The following TNFSF14 variants were observed in gnomAD, a reference collection of about 807,000 sequenced individuals.
The protein encoded by TNFSF14 is tumor necrosis factor ligand superfamily member 14.
TNFSF14 carries 15 observed loss-of-function variants against 22.7 expected under a neutral mutation model. The ratio of observed to expected loss-of-function variants is 0.66; its 90% CI spans 0.44 to 1.02. The LOEUF (loss-of-function observed/expected upper bound fraction) is 1.02, where lower values mean the gene tolerates loss of function less well. Among genes scored for constraint, TNFSF14 ranks in the 50% least tolerant of loss-of-function variants. TNFSF14 has a pLI of 0.00. For synonymous variants in TNFSF14, 133 were observed against 139.6 expected (o/e 0.95, Z 0.33); for missense variants, 287 against 326.2 (o/e 0.88, Z 0.93).
intron 1 of TNFSF14, among the ~76,000 whole-genome samples, chr19:6,668,534 C>T (rs112218877): frequency 0.05 from 7,546 of 151,898 alleles, 247 homozygotes; most frequent in African/African-American, 0.091. Flanking sequence ...GGTGAAACCC[C>T]GTCTGTACTA....
chr19:6,668,892 C>T (rs1006100294), intron 1 of TNFSF14, among the ~76,000 whole-genome samples: 2 of 152,132 alleles, frequency 1.3e-5, no homozygotes, highest in African/African-American at 2.4e-5. Flanking sequence ...ACACAGAGAC[C>T]CAGAGACAAA....
rs2145378654 is a variant in TNFSF14 at position 6,669,840 on chromosome 19, G to C, written c.219+11C>G. Reference sequence around the variant, plus strand: ...ACCTCCACCTGCTCTCAGCCCCCCGGTCCCACTCACAGGCAGGCGGGTGAC... The same window carrying C: ...ACCTCCACCTGCTCTCAGCCCCCCGCTCCCACTCACAGGCAGGCGGGTGAC... On this transcript the variant is annotated intron_variant, in intron 1 of 3. Transcript: ENST00000675206. 1.2e-6 allele frequency: 2 copies of C among 1,609,310 alleles called. No individual in the cohort carries two copies. The highest frequency in any genetic ancestry group is 1.7e-6 in the Non-Finnish European group (2 of 1,179,494).
rs752786997 is a variant in TNFSF14, at chr19:6,664,935, G to A, written c.714C>T (p.Phe238=). The A allele has an allele frequency of 1.3e-6, 2 of 1,590,908 alleles. No homozygotes were observed. The highest frequency in any genetic ancestry group is 1.7e-6 in the Non-Finnish European group (2 of 1,163,998). Residue 238 remains phenylalanine (F), a synonymous_variant, in exon 4 of 4, where the codon TTC becomes TTT. Transcript: ENST00000675206. This position sits in a 1 kb window ranked among gnomAD's most constrained non-coding sequence, Gnocchi z 4.7. ...RDGTRSYFGA[F]MV ...CACCACGCTCCTTCCTTCACACCAT[G>A]AAAGCCCCGAAGTAAGACCGGGTAC...
At chr19:6,670,254 C>T (rs988395411), upstream of TNFSF14, 11 of 1,435,464 alleles carry the variant, frequency 7.7e-6, no homozygotes, top group East Asian at 7.6e-5. Context: ...CCGCCGCCCC[C>T]GGTCTTGGCC....
intron 1 of TNFSF14, among the ~76,000 whole-genome samples, chr19:6,668,301 T>A (rs931057825): frequency 1.8e-4 from 28 of 152,114 alleles, no homozygotes; most frequent in African/African-American, 6.5e-4. Context: ...AGTTCAAGGC[T>A]GCAGTGAGCT....
chr19:6,668,727 A>T (rs1331157417), intron 1 of TNFSF14, among the ~76,000 whole-genome samples: 1 of 151,982 alleles, frequency 6.6e-6, no homozygotes, highest in African/African-American at 2.4e-5. Context: ...AAAAATGCAG[A>T]CAGCGAGATG....
At position 6,667,461 on chromosome 19, in the gene TNFSF14, G is replaced by A. The variant is rs770618064; in HGVS notation, c.220-12C>T. 3 of 1,569,092 alleles carry A rather than the reference G, an allele frequency of 1.9e-6. No individual in the cohort carries two copies. The highest frequency in any genetic ancestry group is 2.4e-5 in the East Asian group (1 of 41,866). ...CCTGCAGGTCCGTCCTGAAAATGCA[G>A]AAGGGGCCTGCGGTAAGAACCTGCA... On this transcript the variant is annotated splice_polypyrimidine_tract_variant and intron_variant, in intron 1 of 3. Transcript: ENST00000675206.
chr19:6,670,380 G>A (rs186311651), upstream of TNFSF14: 9 of 812,748 alleles, frequency 1.1e-5, no homozygotes, highest in Admixed American at 4.0e-5. Flanking sequence ...TGCTTCATTC[G>A]CTTGGGGCCA....
chr19:6,670,003 T>G lies in TNFSF14; in HGVS notation c.67A>C (p.Arg23=). ...VDGQTDIPFT[R]LGRSHRRQSC... ...TGTCTCCGGTGGCTTCGTCCCAGCCTCGTGAATGGGATGTCGGTCTGTCCA... is the reference window on the plus strand; with the variant it reads ...TGTCTCCGGTGGCTTCGTCCCAGCCGCGTGAATGGGATGTCGGTCTGTCCA... The change falls in exon 1 of 4, where the codon AGG becomes CGG. Residue 23 remains arginine, a synonymous_variant. Transcript: ENST00000675206. The G allele has an allele frequency of 6.2e-7, 1 of 1,614,022 alleles. No individual in the cohort carries two copies. Among genetic ancestry groups the G allele is most frequent in the East Asian group, 2.2e-5 (1 of 44,874 alleles).
chr19:6,667,496 A>G, intron 1 of TNFSF14, 47 bp from the exon 2 acceptor site: 2 of 1,564,046 alleles, frequency 1.3e-6, no homozygotes, highest in Non-Finnish European at 1.7e-6. Context: ...AGCGGGGGCC[A>G]CGCCCTCGCA....
intron 3 of TNFSF14, 55 bp downstream of exon 3, chr19:6,667,058 T>A: frequency 6.3e-7 from 1 of 1,597,712 alleles, no homozygotes. Context: ...GTTTATCTGG[T>A]CTTCCCGAGA....
upstream of TNFSF14, chr19:6,670,293 C>T (rs1191791677): frequency 1.4e-5 from 19 of 1,402,190 alleles, no homozygotes; most frequent in East Asian, 3.9e-4. Flanking sequence ...TACAGACTCT[C>T]ACACTTTCCA....
rs1917360343 is a variant in TNFSF14, at chr19:6,664,936, A to G, written c.713T>C (p.Phe238Ser). 1.3e-6 allele frequency: 2 copies of G among 1,591,410 alleles called. No homozygotes were observed. Among genetic ancestry groups the G allele is most frequent in the African/African-American group, 1.3e-5 (1 of 74,606 alleles). Reference sequence around the variant, plus strand: ...ACCACGCTCCTTCCTTCACACCATGAAAGCCCCGAAGTAAGACCGGGTACC... The same window carrying G: ...ACCACGCTCCTTCCTTCACACCATGGAAGCCCCGAAGTAAGACCGGGTACC... ...RDGTRSYFGA[F>S]MV is the part of the protein sequence containing the mutation. The change falls in exon 4 of 4, where the codon TTC becomes TCC. Residue 238 changes from phenylalanine (F) to serine (S), a missense_variant. Transcript: ENST00000675206. This position sits in a 1 kb window ranked among gnomAD's most constrained non-coding sequence, Gnocchi z 4.7.
In TNFSF14 at chr19:6,665,330, C is replaced by T. The variant is rs553799062; in HGVS notation, c.319G>A (p.Gly107Ser). The T allele has an allele frequency of 2.1e-5, 33 of 1,589,838 alleles. No individual in the cohort carries two copies. Among genetic ancestry groups the T allele is most frequent in the Admixed American group, 3.5e-5 (2 of 56,482 alleles). ...HLTGANSSLT[G>S]SGGPLLWETQ... Reference sequence around the variant, plus strand: ...TCCCATAACAGCGGCCCCCCGCTGCCGGTCAAGCTGGAGTTGGCCCCTGTT... The same window carrying T: ...TCCCATAACAGCGGCCCCCCGCTGCTGGTCAAGCTGGAGTTGGCCCCTGTT... Residue 107 changes from glycine (G) to serine (S), a missense_variant, in exon 4 of 4, where the codon GGC becomes AGC. Gly to Ser is a moderately conservative substitution (Grantham distance 56, BLOSUM62 0). Transcript: ENST00000675206.
Position 6,661,584 on chromosome 19 carries a change from G to A in TNFSF14, c.*3342C>T, listed in dbSNP as rs1461048039. The A allele has an allele frequency of 2.0e-5, 3 of 152,180 alleles. No individual in the cohort carries two copies. Among genetic ancestry groups the A allele is most frequent in the Admixed American group, 1.3e-4 (2 of 15,260 alleles). 9.4% of individuals were successfully genotyped at this position (152,180 alleles called of 1,614,324 possible). ...GTATCTTATCAGTAATCGCATTCTT[G>A]GATGTGCTGGGAGTCAGCTTAAGTC... is the stretch of plus-strand genomic sequence containing the variant. On this transcript the variant is annotated 3_prime_UTR_variant, in exon 4 of 4. Transcript: ENST00000675206.
In TNFSF14 at chr19:6,669,513, G is replaced by C. The variant is rs942962457; in HGVS notation, c.219+338C>G. On this transcript the variant is annotated intron_variant, in intron 1 of 3. Transcript: ENST00000675206. ...ATAAAAAAGTACAGAGAAAATGCAT[G>C]CGTGTGTGCACAGGGGTGTGCATGG... Among the ~76,000 whole-genome samples, 6 of 152,048 alleles carry C rather than the reference G, an allele frequency of 3.9e-5. No individual in the cohort carries two copies. The East Asian group carries it at 1.2e-3, about 29-fold the overall frequency.
Position 6,664,916 on chromosome 19 carries a change from G to A in TNFSF14, c.*10C>T, listed in dbSNP as rs1162274727. 8 of 1,573,858 alleles carry A rather than the reference G, an allele frequency of 5.1e-6. No homozygotes were observed. The highest frequency in any genetic ancestry group is 2.3e-5 in the South Asian group (2 of 85,350). On this transcript the variant is annotated 3_prime_UTR_variant, in exon 4 of 4. Coordinates refer to ENST00000675206, the MANE Select transcript of TNFSF14 (RefSeq NM_001376887.1). The surrounding 1 kb of genome is among the most constrained non-coding windows in gnomAD (Gnocchi z 4.7). ...GTCAGACCCATGTCCAATGCACCAC[G>A]CTCCTTCCTTCACACCATGAAAGCC...
At chr19:6,670,179 GC>G (rs2145379317), upstream of TNFSF14, 1 of 1,494,522 alleles carries the variant, frequency 6.7e-7, no homozygotes, top group Non-Finnish European at 8.9e-7. Context: ...GCACCCGTGG[GC>G]CGCCTTTAGA....
intron 1 of TNFSF14, among the ~76,000 whole-genome samples, chr19:6,669,419 G>C (rs1341675058): frequency 6.6e-6 from 1 of 152,182 alleles, no homozygotes; most frequent in Non-Finnish European, 1.5e-5. Context: ...GGAGGCAGAG[G>C]TTGCGGTGAG....
Sources: gnomAD v4.1 joint callset for allele counts (sites outside exome capture counted in the v4.1 genomes callset) on GRCh38, gnomAD v4.1.1 for gene constraint, Gnocchi (gnomAD v3.1) non-coding constraint, MANE v1.5 for transcripts, NCBI Gene and HGNC (gene_info 2026-07-23, HGNC 2026-07-21) for gene names.